The following RAB3C variants were observed in gnomAD, a reference collection of about 807,000 sequenced individuals.
The protein encoded by RAB3C is RAB3C, member RAS oncogene family.
In RAB3C, 17 loss-of-function variants were observed where a neutral mutation model predicts 26.4. That is an observed-to-expected ratio of 0.64 (90% CI 0.44 to 0.97). The LOEUF (loss-of-function observed/expected upper bound fraction) is 0.97. RAB3C is among the 50% of genes least tolerant of loss of function. RAB3C has a pLI of 0.00. For synonymous variants in RAB3C, 91 were observed against 95.9 expected (o/e 0.95, Z 0.30); for missense variants, 242 against 281.9 (o/e 0.86, Z 1.01).
chr5:58,609,034 A>C (rs1025277998), intron 1 of RAB3C, among the ~76,000 whole-genome samples: 4 of 152,034 alleles, frequency 2.6e-5, no homozygotes, highest in African/African-American at 9.7e-5. Context: ...ACACTGGGAC[A>C]TGTTGGGGAG....
chr5:58,833,315 C>T (rs1056171017), intron 4 of RAB3C, among the ~76,000 whole-genome samples: 4 of 147,768 alleles, frequency 2.7e-5, no homozygotes, highest in South Asian at 2.1e-4. Context: ...AACCATGGCA[C>T]GGACCCCATC....
intron 1 of RAB3C, among the ~76,000 whole-genome samples, chr5:58,612,898 T>G (rs1325224706): frequency 6.6e-6 from 1 of 152,046 alleles, no homozygotes; most frequent in Admixed American, 6.6e-5. Flanking sequence ...CCTTGTCTTG[T>G]GCTGGTTTTC....
In RAB3C at chr5:58,617,768, T is replaced by C; in HGVS notation, c.150T>C (p.Tyr50=). 6.2e-7 allele frequency: 1 copy of C among 1,613,890 alleles called. No homozygotes were observed. Among genetic ancestry groups the C allele is most frequent in the Non-Finnish European group, 8.5e-7 (1 of 1,179,836 alleles). The change falls in exon 2 of 5, where the codon TAT becomes TAC. Residue 50 remains tyrosine (Y), a synonymous_variant. Transcript: ENST00000282878. ...SVGKTSFLFR[Y]ADDSFTSAFV... Reference sequence around the variant, plus strand: ...GGAAAACATCTTTTCTATTCCGTTATGCAGATGACTCCTTTACATCTGCAT... The same window carrying C: ...GGAAAACATCTTTTCTATTCCGTTACGCAGATGACTCCTTTACATCTGCAT...
At chr5:58,716,714 TG>T (rs1749179929) in intron 2 of RAB3C, among the ~76,000 whole-genome samples, 1 of 151,914 alleles carries the variant, frequency 6.6e-6, no homozygotes. Context: ...ACCCTGTTTT[TG>T]ATCGTGCTCT....
chr5:58,600,801 T>C (rs1746436205), intron 1 of RAB3C, among the ~76,000 whole-genome samples: 1 of 152,138 alleles, frequency 6.6e-6, no homozygotes, highest in Non-Finnish European at 1.5e-5. Context: ...ACAGTGACAG[T>C]TTCACTTCCT....
intron 2 of RAB3C, among the ~76,000 whole-genome samples, chr5:58,711,979 A>T (rs1579873151): frequency 6.6e-6 from 1 of 152,200 alleles, no homozygotes; most frequent in South Asian, 2.1e-4. Context: ...CAATGTAAAA[A>T]TGGTAGAAAA....
chr5:58,677,063 T>C (rs970351100), intron 2 of RAB3C, among the ~76,000 whole-genome samples: 1 of 152,272 alleles, frequency 6.6e-6, no homozygotes, highest in African/African-American at 2.4e-5. Flanking sequence ...AAGGATCTCT[T>C]CCAGGCCTGC....
intron 3 of RAB3C, among the ~76,000 whole-genome samples, chr5:58,793,628 C>CACACATAT (rs1412433709): frequency 6.8e-6 from 1 of 147,584 alleles, no homozygotes; most frequent in Non-Finnish European, 1.5e-5. Flanking sequence ...TAAATGTACA[C>CACACATAT]ACACATATAC....
chr5:58,608,259 CA>C (rs1746614941), intron 1 of RAB3C, among the ~76,000 whole-genome samples: 1 of 151,338 alleles, frequency 6.6e-6, no homozygotes, highest in Non-Finnish European at 1.5e-5. Flanking sequence ...AAATGGAAAG[CA>C]AAAAAAGAGC....
chr5:58,736,158 C>G (rs1258341591), intron 3 of RAB3C, among the ~76,000 whole-genome samples: 1 of 152,202 alleles, frequency 6.6e-6, no homozygotes, highest in Non-Finnish European at 1.5e-5. Context: ...GCAGCTCCTG[C>G]AGCATTGCAC....
At chr5:58,774,340 C>T (rs1742083198) in intron 3 of RAB3C, among the ~76,000 whole-genome samples, 1 of 152,088 alleles carries the variant, frequency 6.6e-6, no homozygotes, top group Non-Finnish European at 1.5e-5. Flanking sequence ...AATATCTGCT[C>T]CCCTCTCCTC....
intron 1 of RAB3C, among the ~76,000 whole-genome samples, chr5:58,593,452 T>G (rs1167140517): frequency 6.6e-6 from 1 of 152,200 alleles, no homozygotes; most frequent in Non-Finnish European, 1.5e-5. Context: ...TGATTATCTT[T>G]TGTAGATATT....
At chr5:58,725,303 T>C (rs1164188145) in intron 2 of RAB3C, among the ~76,000 whole-genome samples, 1 of 151,890 alleles carries the variant, frequency 6.6e-6, no homozygotes, top group Non-Finnish European at 1.5e-5. Flanking sequence ...TCAGACAAAT[T>C]GGAGCTCCTT....
At chr5:58,724,333 T>C (rs2591921) in intron 2 of RAB3C, among the ~76,000 whole-genome samples, 54,290 of 151,636 alleles carry the variant, frequency 0.36, 10,229 homozygotes, top group Non-Finnish European at 0.42. Flanking sequence ...ATTCCTCGGC[T>C]ATCTAATGGG....
intron 3 of RAB3C, among the ~76,000 whole-genome samples, chr5:58,813,938 C>T (rs2112043914): frequency 6.6e-6 from 1 of 152,242 alleles, no homozygotes; most frequent in East Asian, 1.9e-4. Context: ...TTTTCCACCA[C>T]CTACAGAGCT....
At chr5:58,735,986 G>A (rs894226695) in intron 3 of RAB3C, among the ~76,000 whole-genome samples, 1 of 152,282 alleles carries the variant, frequency 6.6e-6, no homozygotes, top group South Asian at 2.1e-4. Context: ...TTCCTGCCTT[G>A]TGAGAGCCAG....
intron 2 of RAB3C, among the ~76,000 whole-genome samples, chr5:58,636,726 G>GTCT (rs1747297053): frequency 6.6e-6 from 1 of 152,150 alleles, no homozygotes; most frequent in Non-Finnish European, 1.5e-5. Flanking sequence ...TGAATCATAA[G>GTCT]CCTTGGAATT....
intron 3 of RAB3C, among the ~76,000 whole-genome samples, chr5:58,749,874 T>C (rs533947079): frequency 1.3e-5 from 2 of 152,298 alleles, no homozygotes; most frequent in East Asian, 3.9e-4. Flanking sequence ...TCCTAATTTT[T>C]ATTAAGTTTG....
intron 2 of RAB3C, among the ~76,000 whole-genome samples, chr5:58,640,041 T>A (rs1259927660): frequency 1.3e-5 from 2 of 152,186 alleles, no homozygotes; most frequent in Non-Finnish European, 2.9e-5. Flanking sequence ...ATAAAGGGAA[T>A]CTACTGCACA....
Sources: gnomAD v4.1 joint callset for allele counts (sites outside exome capture counted in the v4.1 genomes callset) on GRCh38, gnomAD v4.1.1 for gene constraint, MANE v1.5 for transcripts, NCBI Gene and HGNC (gene_info 2026-07-23, HGNC 2026-07-21) for gene names.